The following ENPP2 variants were observed in gnomAD, a reference collection of about 807,000 sequenced individuals.
ENPP2 encodes the protein ectonucleotide pyrophosphatase/phosphodiesterase 2, also known as autotaxin.
Under a neutral mutation model 120.2 loss-of-function variants are expected in ENPP2, and 51 were observed. The ratio of observed to expected loss-of-function variants is 0.42; its 90% confidence interval spans 0.34 to 0.54. ENPP2 has a LOEUF of 0.54. Ranked by LOEUF, ENPP2 falls within the 20% of genes least tolerant of loss-of-function variation. The probability of loss-of-function intolerance (pLI) is 0.04; values close to 1 mark genes in which losing one functional copy is unlikely to be tolerated. For synonymous variants in ENPP2, 365 were observed against 366.4 expected (o/e 1.00, Z 0.04); for missense variants, 920 against 1,066.5 (o/e 0.86, Z 1.91).
In ENPP2 at chr8:119,573,408, T is replaced by TAAAAAAA. The variant is rs35227070; in HGVS notation, c.1781-2574_1781-2568dup. Reference sequence around the variant, plus strand: ...GGTGACAGAGCGAGGCTCCGTCTCTTAAAAAAAAAAAAAAAAAAGATTCAT... The same window carrying TAAAAAAA: ...GGTGACAGAGCGAGGCTCCGTCTCTTAAAAAAAAAAAAAAAAAAAAAAAAAGATTCAT... On this transcript the variant is annotated intron_variant, in intron 19 of 24. Transcript: ENST00000075322. 1.4e-4 allele frequency among the ~76,000 whole-genome samples: 18 copies of TAAAAAAA among 124,380 alleles called. 1 individual carries two copies. The highest frequency in any genetic ancestry group is 2.3e-4 in the African/African-American group (7 of 29,892). 81.6% of individuals were successfully genotyped at this position (124,380 alleles called of 152,430 possible). A position where few individuals can be genotyped will look rare whatever the true frequency, so the allele number is the denominator to read the frequency against.
At chr8:119,579,985 T>C in intron 19 of ENPP2, 131 bp downstream of exon 19, 1 of 732,352 alleles carries the variant, frequency 1.4e-6, no homozygotes, top group Non-Finnish European at 2.4e-6. Context: ...CAGATAGGTA[T>C]GAAAGTCACT....
intron 4 of ENPP2, among the ~76,000 whole-genome samples, chr8:119,620,236 G>T (rs184530409): frequency 6.3e-4 from 96 of 152,276 alleles, no homozygotes; most frequent in African/African-American, 2.3e-3. Flanking sequence ...AATGATCAAT[G>T]ATTCCAAGGG....
At chr8:119,641,640 G>T (rs911349576), upstream of ENPP2, among the ~76,000 whole-genome samples, 10 of 152,186 alleles carry the variant, frequency 6.6e-5, no homozygotes, top group African/African-American at 2.2e-4. Context: ...TCATTCTGTG[G>T]TTTTCAAATT....
intron 1 of ENPP2, among the ~76,000 whole-genome samples, chr8:119,663,636 G>A (rs572922327): frequency 6.4e-4 from 98 of 152,088 alleles, no homozygotes; most frequent in Non-Finnish European, 1.0e-3. Context: ...CTGTCAGGGA[G>A]GAAAAGAATT....
At chr8:119,596,136 G>C in intron 11 of ENPP2, 1 of 714,698 alleles carries the variant, frequency 1.4e-6, no homozygotes, top group Non-Finnish European at 2.2e-6. Context: ...GAAAAAATTG[G>C]AATGAGGGAT....
chr8:119,665,925 A>G (rs1356580477), intron 1 of ENPP2, among the ~76,000 whole-genome samples: 1 of 152,220 alleles, frequency 6.6e-6, no homozygotes, highest in Non-Finnish European at 1.5e-5. Flanking sequence ...TTTTTGCAAC[A>G]TCAAAAATGT....
intron 2 of ENPP2, 139 bp downstream of exon 2, chr8:119,638,285 GT>G (rs1226585811): frequency 1.7e-5 from 10 of 580,614 alleles, no homozygotes; most frequent in Non-Finnish European, 2.7e-5. Flanking sequence ...CACATAGGTG[GT>G]TTTACCCAGA....
At position 119,623,793 on chromosome 8, in the gene ENPP2, T is replaced by C. The variant is rs557267941; in HGVS notation, c.293-2274A>G. On this transcript the variant is annotated intron_variant, in intron 3 of 24. Coordinates refer to ENST00000075322, the MANE Select transcript of ENPP2 (RefSeq NM_001040092.3). ...GGTGCCTCCCCCCATGCCTGGGTAA[T>C]TTTTGTATTTTTAGTAGAGATGGGA... Among the ~76,000 whole-genome samples, 3 of 152,054 alleles carry C rather than the reference T, an allele frequency of 2.0e-5. No individual in the cohort carries two copies. The East Asian group carries it at 5.8e-4, about 30-fold the overall frequency.
intron 4 of ENPP2, among the ~76,000 whole-genome samples, chr8:119,620,875 A>G (rs534851947): frequency 6.6e-6 from 1 of 152,204 alleles, no homozygotes; most frequent in Non-Finnish European, 1.5e-5. Context: ...GCCTTGGTGA[A>G]CAGTGTACAT....
chr8:119,598,336 A>G (rs1158451339), intron 11 of ENPP2, among the ~76,000 whole-genome samples: 2 of 152,230 alleles, frequency 1.3e-5, no homozygotes, highest in Non-Finnish European at 1.5e-5. Context: ...CAGTAGGCAT[A>G]TGAAAATACC....
chr8:119,632,659 C>G (rs554011891), intron 2 of ENPP2, among the ~76,000 whole-genome samples: 1 of 152,278 alleles, frequency 6.6e-6, no homozygotes, highest in East Asian at 1.9e-4. Flanking sequence ...GTAAAACATA[C>G]GTTATTTCAT....
chr8:119,574,293 G>T (rs370998755), intron 19 of ENPP2, among the ~76,000 whole-genome samples: 1 of 151,554 alleles, frequency 6.6e-6, no homozygotes, highest in Non-Finnish European at 1.5e-5. Flanking sequence ...TCTTGTTCTC[G>T]GCACACATTG....
At chr8:119,671,132 C>A (rs377031043) in intron 1 of ENPP2, among the ~76,000 whole-genome samples, 687 of 114,860 alleles carry the variant, frequency 6.0e-3, no homozygotes, top group Non-Finnish European at 6.8e-3. Flanking sequence ...ACTAAAAATA[C>A]AAAAAAAAAA....
At chr8:119,673,386 G>A in exon 1 of ENPP2, 1 of 1,221,162 alleles carries the variant, frequency 8.2e-7, no homozygotes, top group Admixed American at 2.1e-5. Context: ...GCTCTTGTTT[G>A]CACTGGCCGT....
intron 5 of ENPP2, chr8:119,618,276 C>G (rs1489887793): frequency 4.0e-6 from 2 of 499,202 alleles, no homozygotes; most frequent in South Asian, 2.9e-5. Context: ...TCCAAATACT[C>G]CATGAGTGTA....
chr8:119,557,575 G>A lies in ENPP2; in HGVS notation c.2538C>T (p.Tyr846=). ...LDFFRKTSRS[Y]PEILTLKTYL... is the part of the protein sequence containing the mutation. ...ATGTCTTGAGTGTCAGGATTTCTGG[G>A]TAGCTGCGGCTGGTCTTTCGGAAGA... is the stretch of plus-strand genomic sequence containing the variant. Residue 846 remains tyrosine, a synonymous_variant, in exon 25 of 25, where the codon TAC becomes TAT. Coordinates refer to ENST00000075322, the MANE Select transcript of ENPP2 (RefSeq NM_001040092.3). 2.5e-6 allele frequency: 4 copies of A among 1,613,230 alleles called. No individual in the cohort carries two copies. The highest frequency in any genetic ancestry group is 3.4e-6 in the Non-Finnish European group (4 of 1,179,980).
chr8:119,618,528 G>T (rs1422173793), intron 5 of ENPP2: 14 of 334,744 alleles, frequency 4.2e-5, no homozygotes, highest in Admixed American at 2.6e-4. Context: ...TCAGAAGCCA[G>T]ATGTCCCACT....
At chr8:119,619,984 A>G (rs746261952) in intron 4 of ENPP2, among the ~76,000 whole-genome samples, 1 of 152,234 alleles carries the variant, frequency 6.6e-6, no homozygotes, top group Non-Finnish European at 1.5e-5. Context: ...AACAAAAGTT[A>G]CATATCCTGA....
At chr8:119,598,805 A>G (rs988096008) in intron 11 of ENPP2, among the ~76,000 whole-genome samples, 1 of 152,108 alleles carries the variant, frequency 6.6e-6, no homozygotes, top group Non-Finnish European at 1.5e-5. Flanking sequence ...GGTTCCATGG[A>G]AGGGAGTGTG....
Sources: allele counts gnomAD v4.1 joint callset (sites outside exome capture counted in the v4.1 genomes callset), GRCh38; gene constraint gnomAD v4.1.1; transcripts MANE v1.5; gene names NCBI Gene and HGNC (gene_info 2026-07-23, HGNC 2026-07-21).